GPM6A: variants seen among roughly 807,000 people sequenced by gnomAD.
GPM6A encodes the protein neuronal membrane glycoprotein M6-a.
GPM6A carries 7 observed loss-of-function variants against 32.1 expected under a neutral mutation model. The ratio of observed to expected loss-of-function variants is 0.22; its 90% CI spans 0.12 to 0.41. GPM6A has a LOEUF of 0.41. GPM6A is among the 10% of genes least tolerant of loss of function. GPM6A has a pLI of 1.00. For synonymous variants in GPM6A, 130 were observed against 123.4 expected (o/e 1.05, Z -0.35); for missense variants, 235 against 347.2 (o/e 0.68, Z 2.57).
intron 1 of GPM6A, among the ~76,000 whole-genome samples, chr4:175,851,293 T>C (rs1364105308): frequency 6.6e-6 from 1 of 152,118 alleles, no homozygotes; most frequent in Admixed American, 6.6e-5. Context: ...GAGACCAGCC[T>C]GGCCAACATG....
chr4:175,839,096 A>G (rs1477583310), intron 1 of GPM6A, among the ~76,000 whole-genome samples: 2 of 152,344 alleles, frequency 1.3e-5, no homozygotes, highest in African/African-American at 2.4e-5. Flanking sequence ...AGATTATCCA[A>G]TATAAAGTAA....
chr4:175,879,697 A>G (rs1056451448), intron 1 of GPM6A, among the ~76,000 whole-genome samples: 3 of 152,190 alleles, frequency 2.0e-5, no homozygotes, highest in Admixed American at 2.0e-4. Context: ...AAGCACCTTT[A>G]TATAGCAACA....
At chr4:175,901,174 G>T (rs1269818109) in intron 1 of GPM6A, among the ~76,000 whole-genome samples, 1 of 150,834 alleles carries the variant, frequency 6.6e-6, no homozygotes, top group African/African-American at 2.4e-5. Context: ...AGAGGTGGGG[G>T]TGGTTAACAG....
intron 3 of GPM6A, among the ~76,000 whole-genome samples, chr4:175,670,508 AG>A (rs1324383558): frequency 6.6e-6 from 1 of 152,230 alleles, no homozygotes; most frequent in Non-Finnish European, 1.5e-5. Context: ...AAACTTAAAA[AG>A]GTCATGTTCA....
At chr4:175,918,893 C>T (rs1326708520) in intron 1 of GPM6A, among the ~76,000 whole-genome samples, 2 of 151,882 alleles carry the variant, frequency 1.3e-5, no homozygotes, top group African/African-American at 4.8e-5. Context: ...CTGCTTATAT[C>T]CTTTACTTTT....
rs147092806 is a variant in GPM6A at position 175,900,070 on chromosome 4, A to T, written c.-22-87821T>A. Among the ~76,000 whole-genome samples, 142 of 152,222 alleles carry T rather than the reference A, an allele frequency of 9.3e-4. 2 individuals carry two copies. In the East Asian group the frequency reaches 0.026, roughly 28 times the overall value. On this transcript the variant is annotated intron_variant, in intron 1 of 7. Transcript: ENST00000280187. ...CGAGGCAGGCGGATCACCTGAGATC[A>T]GGAGTTCAAGATCAGCCTGGTGAAA...
chr4:175,788,030 C>A (rs1231370042), intron 1 of GPM6A: 3 of 152,242 alleles, frequency 2.0e-5, no homozygotes, highest in Admixed American at 6.5e-5. Context: ...TCCATCTACA[C>A]TCTTCTCATC....
At position 175,938,613 on chromosome 4, in the gene GPM6A, ATTTG is replaced by A. The variant is rs1739313311; in HGVS notation, c.-23+63692_-23+63695del. 2.0e-5 allele frequency among the ~76,000 whole-genome samples: 3 copies of A among 151,776 alleles called. No homozygotes were observed. The South Asian group carries it at 6.2e-4, about 32-fold the overall frequency. ...TGGTGGGGTTGTTTTTTTCTTGTAA[ATTTG>A]TTTATTTCTTGTACATAATCCTTAA... On this transcript the variant is annotated intron_variant, in intron 1 of 7. Transcript: ENST00000280187.
At chr4:175,714,815 T>C (rs918671956) in intron 1 of GPM6A, among the ~76,000 whole-genome samples, 1 of 152,132 alleles carries the variant, frequency 6.6e-6, no homozygotes, top group Non-Finnish European at 1.5e-5. Flanking sequence ...CATTCTGTAC[T>C]GGTCAACATG....
intron 1 of GPM6A, among the ~76,000 whole-genome samples, chr4:175,859,328 A>G (rs1736505587): frequency 6.6e-6 from 1 of 152,216 alleles, no homozygotes; most frequent in Admixed American, 6.5e-5. Flanking sequence ...AAACCTGCAA[A>G]AACTTCAGAG....
intron 4 of GPM6A, among the ~76,000 whole-genome samples, chr4:175,644,256 T>C (rs1741326517): frequency 6.6e-6 from 1 of 150,464 alleles, no homozygotes; most frequent in African/African-American, 2.4e-5. Flanking sequence ...GCTCTAAAAC[T>C]TTTTAATAGA....
At chr4:175,858,575 A>T (rs1465245717) in intron 1 of GPM6A, among the ~76,000 whole-genome samples, 1 of 152,106 alleles carries the variant, frequency 6.6e-6, no homozygotes, top group Admixed American at 6.6e-5. Flanking sequence ...AACATAACCA[A>T]GTGCTGGTGA....
intron 1 of GPM6A, among the ~76,000 whole-genome samples, chr4:175,832,599 G>A (rs538516311): frequency 2.0e-5 from 3 of 152,234 alleles, no homozygotes; most frequent in African/African-American, 7.2e-5. Context: ...CCAACAGGAA[G>A]GAAGCATTAA....
chr4:176,000,502 T>G (rs180690522), intron 1 of GPM6A, among the ~76,000 whole-genome samples: 1 of 152,330 alleles, frequency 6.6e-6, no homozygotes, highest in South Asian at 2.1e-4. Context: ...TTAAAAATAA[T>G]TAAGTTTGAA....
rs1265707597 is a variant in GPM6A at position 175,637,655 on chromosome 4, TAA to T, written c.684+2472_684+2473del. On this transcript the variant is annotated intron_variant, in intron 6 of 6. Coordinates refer to ENST00000393658, the MANE Select transcript of GPM6A (RefSeq NM_201591.3). ...TATATATTATATATTATATAAAATA[TAA>T]AATATATAATATATATAATATATAT... Among the ~76,000 whole-genome samples the T allele has an allele frequency of 5.6e-3, 109 of 19,314 alleles. 2 individuals are homozygous for T. The East Asian group carries it at 0.46, about 82-fold the overall frequency. 12.7% of individuals were successfully genotyped at this position (19,314 alleles called of 152,430 possible).
chr4:175,792,266 C>T (rs1734041684), intron 1 of GPM6A, among the ~76,000 whole-genome samples: 1 of 152,014 alleles, frequency 6.6e-6, no homozygotes, highest in African/African-American at 2.4e-5. Context: ...AACTGCCATG[C>T]CAATAAAAAG....
intron 1 of GPM6A, among the ~76,000 whole-genome samples, chr4:175,734,135 CATAT>C (rs33914767): frequency 0.14 from 18,183 of 126,994 alleles, 2,254 homozygotes; most frequent in African/African-American, 0.33. Context: ...TAATTTTTGC[CATAT>C]ATATATATAT....
chr4:175,804,386 T>A (rs1167214543), intron 1 of GPM6A, among the ~76,000 whole-genome samples: 1 of 152,194 alleles, frequency 6.6e-6, no homozygotes, highest in Non-Finnish European at 1.5e-5. Flanking sequence ...GGAACTGAAA[T>A]GGAAGACTAC....
upstream of GPM6A, among the ~76,000 whole-genome samples, chr4:175,814,047 C>T (rs200177590): frequency 3.6e-3 from 554 of 152,290 alleles, 3 homozygotes; most frequent in Non-Finnish European, 6.8e-3. Flanking sequence ...TCAACTCATC[C>T]CTAGGCTGAC....
Sources: allele counts gnomAD v4.1 joint callset (sites outside exome capture counted in the v4.1 genomes callset), GRCh38; gene constraint gnomAD v4.1.1; transcripts MANE v1.5; gene names NCBI Gene and HGNC (gene_info 2026-07-23, HGNC 2026-07-21).